The following LRRC47 variants were observed in gnomAD, a reference collection of about 807,000 sequenced individuals.
LRRC47 encodes leucine rich repeat containing 47.
Under a neutral mutation model 40.9 loss-of-function variants are expected in LRRC47, and 31 were observed. The ratio of observed to expected loss-of-function variants is 0.76; its 90% CI spans 0.57 to 1.02. The LOEUF is 1.02. Ranked by LOEUF, LRRC47 falls within the 50% of genes least tolerant of loss-of-function variation. The probability of loss-of-function intolerance (pLI) is 0.00; values close to 1 mark genes in which losing one functional copy is unlikely to be tolerated. For missense variants in LRRC47, 726 were observed against 796.1 expected, an observed-to-expected ratio of 0.91 and a Z score of 1.06; for synonymous variants, 427 against 371.9, an observed-to-expected ratio of 1.15 and a Z score of -1.70.
chr1:3,795,107 G>A (rs1227852196), intron 1 of LRRC47, among the ~76,000 whole-genome samples: 1 of 151,318 alleles, frequency 6.6e-6, no homozygotes, highest in Non-Finnish European at 1.5e-5. Context: ...ACGAAAAATG[G>A]GGGAAGAAAT....
At chr1:3,784,625 C>T (rs1643554657) in intron 3 of LRRC47, among the ~76,000 whole-genome samples, 1 of 152,278 alleles carries the variant, frequency 6.6e-6, no homozygotes, top group Non-Finnish European at 1.5e-5. Context: ...CAGCTGTGCA[C>T]CGCTTCGAGT....
intron 3 of LRRC47, among the ~76,000 whole-genome samples, chr1:3,784,563 C>T (rs1468153650): frequency 1.7e-5 from 2 of 118,474 alleles, no homozygotes; most frequent in Non-Finnish European, 1.7e-5. Context: ...AGGTAGTGAG[C>T]GAGTGAAGGA....
At chr1:3,793,513 C>T (rs931454940) in intron 1 of LRRC47, among the ~76,000 whole-genome samples, 7 of 152,156 alleles carry the variant, frequency 4.6e-5, no homozygotes, top group African/African-American at 7.2e-5. Flanking sequence ...TAATGAGGGT[C>T]CACGAGGATA....
intron 1 of LRRC47, among the ~76,000 whole-genome samples, chr1:3,794,806 G>C (rs1471169631): frequency 6.6e-6 from 1 of 151,898 alleles, no homozygotes; most frequent in Non-Finnish European, 1.5e-5. Flanking sequence ...TGTAATCCTA[G>C]CACTTTGGAA....
At chr1:3,782,311 G>C (rs1325695112) in intron 5 of LRRC47, among the ~76,000 whole-genome samples, 1 of 151,864 alleles carries the variant, frequency 6.6e-6, no homozygotes, top group Non-Finnish European at 1.5e-5. Context: ...TCTGTCTCCT[G>C]GGGTTCAAGC....
intron 1 of LRRC47, among the ~76,000 whole-genome samples, chr1:3,793,789 C>T (rs1290188258): frequency 6.6e-6 from 1 of 152,204 alleles, no homozygotes; most frequent in Non-Finnish European, 1.5e-5. Flanking sequence ...TCCCACACCC[C>T]TATGATTGCA....
At position 3,781,129 on chromosome 1, in the gene LRRC47, CG is replaced by C. The variant is rs1267556408; in HGVS notation, c.1710del (p.Asp571ThrfsTer9). On this transcript the variant is annotated frameshift_variant, in exon 7 of 7. Transcript: ENST00000378251. LOFTEE classifies it high-confidence loss of function. ...GSLKVVYPSK[A>X]DLATAPPHVT... ...ACGTGGGGAGGGGCAGTGGCCAGGT[CG>C]GCCTTGGACGGGTACACCACCTTCA... 1 of 1,614,066 alleles carries C rather than the reference CG, an allele frequency of 6.2e-7. No homozygotes were observed. The highest frequency in any genetic ancestry group is 8.5e-7 in the Non-Finnish European group (1 of 1,180,018).
chr1:3,796,471 C>T lies in LRRC47; in HGVS notation c.6G>A (p.Ala2=), dbSNP rs1259810746. 2.7e-6 allele frequency: 4 copies of T among 1,507,170 alleles called. No homozygotes were observed. Among genetic ancestry groups the T allele is most frequent in the Non-Finnish European group, 3.5e-6 (4 of 1,136,596 alleles). The allele number at this position is 1,507,170 out of a possible 1,614,324, so 93.4% of individuals were successfully genotyped here. A position where few individuals can be genotyped will look rare whatever the true frequency, so the allele number is the denominator to read the frequency against. ...GCCAAGACTCTGACACCGCTGCCGC[C>T]GCCATGGCGCCTCAGCTGCTGGCAG... is the stretch of plus-strand genomic sequence containing the variant. M[A]AAAVSESWPE... The change falls in exon 1 of 7, where the codon GCG becomes GCA. Residue 2 remains alanine (A), a synonymous_variant. Coordinates refer to ENST00000378251, the MANE Select transcript of LRRC47 (RefSeq NM_020710.3).
In LRRC47 at chr1:3,785,112, C is replaced by T; in HGVS notation, c.1169G>A (p.Cys390Tyr). Residue 390 changes from cysteine (C) to tyrosine (Y), a missense_variant, in exon 3 of 7, where the codon TGC becomes TAC. By Grantham distance (194) the Cys-to-Tyr change is radical. Coordinates refer to ENST00000378251, the MANE Select transcript of LRRC47 (RefSeq NM_020710.3). The part of the protein sequence containing the change: ...LRAVKGPLLY[C>Y]ARPPQDLKIV... ...CTTGAGGTCCTGTGGGGGCCGGGCG[C>T]AGTACAGCAGGGGCCCTTTGACGGC... 1 of 1,599,664 alleles carries T rather than the reference C, an allele frequency of 6.3e-7. No homozygotes were observed. The highest frequency in any genetic ancestry group is 8.5e-7 in the Non-Finnish European group (1 of 1,173,394).
At position 3,796,244 on chromosome 1, in the gene LRRC47, T is replaced by C. The variant is rs1374557577; in HGVS notation, c.233A>G (p.His78Arg). 5 of 1,454,282 alleles carry C rather than the reference T, an allele frequency of 3.4e-6. No individual in the cohort carries two copies. Among genetic ancestry groups the C allele is most frequent in the Middle Eastern group, 4.8e-4 (2 of 4,156 alleles). 90.1% of individuals were successfully genotyped at this position (1,454,282 alleles called of 1,614,324 possible). ...PGLAQGLPQLHSLVLRRNALG... is the reference protein window; with the variant it reads ...PGLAQGLPQLRSLVLRRNALG... The stretch of plus-strand genomic sequence containing the variant: ...CGCGTTGCGCCGCAGCACGAGGCTG[T>C]GCAGCTGCGGCAGGCCCTGCGCCAG... Residue 78 changes from histidine to arginine, a missense_variant, in exon 1 of 7, where the codon CAC becomes CGC. His to Arg is a conservative substitution (Grantham distance 29, BLOSUM62 0). Transcript: ENST00000378251.
At chr1:3,792,577 C>T (rs1326508114) in intron 1 of LRRC47, among the ~76,000 whole-genome samples, 8 of 151,482 alleles carry the variant, frequency 5.3e-5, no homozygotes, top group Non-Finnish European at 1.0e-4. Flanking sequence ...TCTCCTGCCT[C>T]GGCCTCCCGA....
rs190030267 is a variant in LRRC47 at position 3,786,839 on chromosome 1, G to A, written c.1077+10C>T. On this transcript the variant is annotated intron_variant, in intron 2 of 6. Coordinates refer to ENST00000378251, the MANE Select transcript of LRRC47 (RefSeq NM_020710.3). ...GTCCCAGTCATCTGAGGACCCCCAC[G>A]GGCACCCACCTGCGAGGTGAGGAAG... is the stretch of plus-strand genomic sequence containing the variant. 633 of 1,573,156 alleles carry A rather than the reference G, an allele frequency of 4.0e-4. 1 individual carries two copies. The highest frequency in any genetic ancestry group is 3.8e-3 in the African/African-American group (282 of 73,896).
chr1:3,793,182 G>C (rs1008176248), intron 1 of LRRC47, among the ~76,000 whole-genome samples: 1 of 151,664 alleles, frequency 6.6e-6, no homozygotes, highest in East Asian at 1.9e-4. Flanking sequence ...TATCATCTTG[G>C]CTCATTGCAA....
In LRRC47 at chr1:3,787,276, A is replaced by G; in HGVS notation, c.650T>C (p.Ile217Thr). ...GGGGCAGTCCGCAAGCTCTGCAGGG[A>G]TCTCGCTCAGCTGGTTGTTCGAGAG... The part of the protein sequence containing the change: ...LDLSNNQLSE[I>T]PAELADCPKL... The change falls in exon 2 of 7, where the codon ATC becomes ACC. Residue 217 changes from isoleucine to threonine, a missense_variant. Physicochemically the swap from Ile to Thr is moderately conservative, Grantham distance 89. Coordinates refer to ENST00000378251, the MANE Select transcript of LRRC47 (RefSeq NM_020710.3). 6.2e-7 allele frequency: 1 copy of G among 1,612,906 alleles called. No individual in the cohort carries two copies. Among genetic ancestry groups the G allele is most frequent in the South Asian group, 1.1e-5 (1 of 91,076 alleles).
chr1:3,788,279 C>T (rs1336579587), intron 1 of LRRC47, among the ~76,000 whole-genome samples: 1 of 152,248 alleles, frequency 6.6e-6, no homozygotes, highest in African/African-American at 2.4e-5. Context: ...GCGAGCAAAC[C>T]CTTCTGTCCC....
chr1:3,796,024 G>A lies in LRRC47; in HGVS notation c.453C>T (p.Cys151=). Residue 151 remains cysteine, a synonymous_variant, in exon 1 of 7, where the codon TGC becomes TGT. Coordinates refer to ENST00000378251, the MANE Select transcript of LRRC47 (RefSeq NM_020710.3). ...GGTTGAGGCTCTGCAGGCGCGGGGCGCAGCGCGCCAGGTCGGCTGGCAGCT... is the reference window on the plus strand; with the variant it reads ...GGTTGAGGCTCTGCAGGCGCGGGGCACAGCGCGCCAGGTCGGCTGGCAGCT... ...LRELPADLAR[C]APRLQSLNLT... is the part of the protein sequence containing the mutation. 1.3e-6 allele frequency: 2 copies of A among 1,548,730 alleles called. No homozygotes were observed. The highest frequency in any genetic ancestry group is 1.4e-5 in the African/African-American group (1 of 72,842).
intron 1 of LRRC47, among the ~76,000 whole-genome samples, chr1:3,792,149 G>T (rs547343697): frequency 6.6e-6 from 1 of 152,334 alleles, no homozygotes; most frequent in Admixed American, 6.5e-5. Flanking sequence ...CTTTGTGTGC[G>T]AAATTCCAAT....
At chr1:3,782,072 C>G (rs187620282) in intron 5 of LRRC47, among the ~76,000 whole-genome samples, 11 of 152,212 alleles carry the variant, frequency 7.2e-5, no homozygotes, top group Admixed American at 2.6e-4. Context: ...CGGGCCGTCA[C>G]GCAGCACCGA....
At chr1:3,786,757 C>A in intron 2 of LRRC47, 92 bp downstream of exon 2, 1 of 1,248,388 alleles carries the variant, frequency 8.0e-7, no homozygotes, top group Non-Finnish European at 1.1e-6. Context: ...TCCACTGCTG[C>A]TCCTTCGGAC....
Sources: allele counts gnomAD v4.1 joint callset (sites outside exome capture counted in the v4.1 genomes callset), GRCh38; gene constraint gnomAD v4.1.1; transcripts MANE v1.5; gene names NCBI Gene and HGNC (gene_info 2026-07-23, HGNC 2026-07-21).